Variants in NCAM2 observed in about 807,000 individuals in gnomAD.
NCAM2 encodes neural cell adhesion molecule 2.
A neutral mutation model predicts 98.1 loss-of-function variants in NCAM2; 30 were observed. The ratio of observed to expected loss-of-function variants is 0.31; its 90% CI spans 0.23 to 0.41. NCAM2 has a LOEUF of 0.41. Ranked by LOEUF, NCAM2 falls within the 10% of genes least tolerant of loss-of-function variation. NCAM2 has a pLI of 1.00. For synonymous variants in NCAM2, 368 were observed against 342.4 expected, an observed-to-expected ratio of 1.07 and a Z score of -0.83; for missense variants, 867 against 1,005.8, an observed-to-expected ratio of 0.86 and a Z score of 1.87.
At chr21:21,137,937 T>TGC (rs10645765) in intron 1 of NCAM2, among the ~76,000 whole-genome samples, 62,947 of 151,470 alleles carry the variant, frequency 0.42, 13,604 homozygotes, top group African/African-American at 0.54. Flanking sequence ...AAGGTGACAC[T>TGC]GGATTTGTGT....
chr21:21,012,266 TTTAGA>T (rs576987315), intron 1 of NCAM2, among the ~76,000 whole-genome samples: 1 of 152,250 alleles, frequency 6.6e-6, no homozygotes, highest in South Asian at 2.1e-4. Context: ...AACTCGATTG[TTTAGA>T]TTAGTGTAAT....
chr21:21,370,625 C>T (rs977461338), intron 8 of NCAM2, among the ~76,000 whole-genome samples: 14 of 151,826 alleles, frequency 9.2e-5, no homozygotes, highest in African/African-American at 3.4e-4. Flanking sequence ...ATAGTTCAAA[C>T]TCATAGTTGC....
intron 3 of NCAM2, 73 bp from the exon 4 acceptor site, chr21:21,286,196 T>A: frequency 6.9e-7 from 1 of 1,446,010 alleles, no homozygotes; most frequent in Non-Finnish European, 9.4e-7. Context: ...GTCTGGATTA[T>A]GTTATTGGGA....
chr21:21,501,986 C>A (rs967350291), intron 15 of NCAM2, among the ~76,000 whole-genome samples: 1 of 151,914 alleles, frequency 6.6e-6, no homozygotes, highest in African/African-American at 2.4e-5. Flanking sequence ...AGATACCTTC[C>A]AAATTTTTAA....
Position 21,395,750 on chromosome 21 carries a change from C to T in NCAM2, c.1196-14524C>T, listed in dbSNP as rs376441723. Among the ~76,000 whole-genome samples the T allele has an allele frequency of 2.2e-4, 34 of 152,076 alleles. No individual in the cohort carries two copies. The East Asian group carries it at 5.8e-3, about 26-fold the overall frequency. ...TGATCTTTGACAAAGCAAACAAAAA[C>T]GTAAAGTGGGGAAAGGACACCCAAT... On this transcript the variant is annotated intron_variant, in intron 9 of 17. Transcript: ENST00000400546.
At chr21:21,140,686 G>GT (rs2067148660) in intron 1 of NCAM2, among the ~76,000 whole-genome samples, 1 of 151,994 alleles carries the variant, frequency 6.6e-6, no homozygotes, top group Non-Finnish European at 1.5e-5. Context: ...TTATTCTTTG[G>GT]TTTTCTCTTC....
At chr21:21,477,240 G>A (rs1985286061) in intron 14 of NCAM2, 51 bp from the exon 15 acceptor site, 1 of 1,376,598 alleles carries the variant, frequency 7.3e-7, no homozygotes, top group Admixed American at 2.4e-5. Context: ...TTAAAAAGGT[G>A]TCACTTTAGT....
chr21:21,210,779 C>A, intron 1 of NCAM2: 1 of 516,142 alleles, frequency 1.9e-6, no homozygotes, highest in Non-Finnish European at 2.9e-6. Flanking sequence ...ATCTTATTTA[C>A]TAGAACTCCC....
intron 1 of NCAM2, among the ~76,000 whole-genome samples, chr21:21,043,194 C>T (rs1371828125): frequency 2.6e-5 from 4 of 152,036 alleles, no homozygotes; most frequent in Admixed American, 6.5e-5. Context: ...TGTTAAAGTT[C>T]GTGCCATTAT....
At chr21:21,287,233 G>A (rs1217681863) in intron 4 of NCAM2, among the ~76,000 whole-genome samples, 1 of 151,878 alleles carries the variant, frequency 6.6e-6, no homozygotes, top group Non-Finnish European at 1.5e-5. Context: ...TTCCATCTTC[G>A]ATGATTCTGA....
chr21:21,072,019 TCTC>T (rs895370486), intron 1 of NCAM2, among the ~76,000 whole-genome samples: 5 of 152,022 alleles, frequency 3.3e-5, no homozygotes, highest in African/African-American at 1.2e-4. Flanking sequence ...TTCACGCCAT[TCTC>T]CTGCCTCAGC....
chr21:21,202,305 C>T (rs1056493808), intron 1 of NCAM2, among the ~76,000 whole-genome samples: 1 of 151,470 alleles, frequency 6.6e-6, no homozygotes, highest in Non-Finnish European at 1.5e-5. Flanking sequence ...ATGTAAAGCA[C>T]CTAAAATAGT....
At chr21:21,217,859 C>T (rs1040272514) in intron 1 of NCAM2, among the ~76,000 whole-genome samples, 1 of 151,988 alleles carries the variant, frequency 6.6e-6, no homozygotes, top group Non-Finnish European at 1.5e-5. Flanking sequence ...AAGACGGGAC[C>T]GAAAACAGGA....
At chr21:21,126,855 G>A (rs1198098792) in intron 1 of NCAM2, among the ~76,000 whole-genome samples, 4 of 151,910 alleles carry the variant, frequency 2.6e-5, no homozygotes, top group African/African-American at 9.7e-5. Flanking sequence ...AAAGGTCATT[G>A]TCATTTTTTT....
intron 8 of NCAM2, among the ~76,000 whole-genome samples, chr21:21,351,366 G>A (rs898488925): frequency 2.0e-5 from 3 of 151,956 alleles, no homozygotes; most frequent in African/African-American, 7.2e-5. Context: ...TAGAAATTTG[G>A]CATTTTCTTA....
At chr21:21,254,422 A>C (rs554380617) in intron 1 of NCAM2, among the ~76,000 whole-genome samples, 1 of 152,318 alleles carries the variant, frequency 6.6e-6, no homozygotes, top group Admixed American at 6.5e-5. Flanking sequence ...CTGCAATAGA[A>C]GATGTTCTTT....
At chr21:21,105,983 TAATC>T (rs2066336462) in intron 1 of NCAM2, among the ~76,000 whole-genome samples, 1 of 152,104 alleles carries the variant, frequency 6.6e-6, no homozygotes, top group South Asian at 2.1e-4. Context: ...TGTTTATCAT[TAATC>T]TATATATATA....
chr21:21,456,070 T>C (rs905989511), intron 12 of NCAM2, among the ~76,000 whole-genome samples: 3 of 152,156 alleles, frequency 2.0e-5, no homozygotes, highest in Admixed American at 2.0e-4. Flanking sequence ...TTGTTCACAT[T>C]CTAACAAGGC....
intron 1 of NCAM2, among the ~76,000 whole-genome samples, chr21:21,227,989 A>G (rs2070457745): frequency 6.6e-6 from 1 of 151,748 alleles, no homozygotes; most frequent in Non-Finnish European, 1.5e-5. Flanking sequence ...GTGAGATGAG[A>G]AAAATGATAA....
Sources: allele counts gnomAD v4.1 joint callset (sites outside exome capture counted in the v4.1 genomes callset), GRCh38; gene constraint gnomAD v4.1.1; transcripts MANE v1.5; gene names NCBI Gene and HGNC (gene_info 2026-07-23, HGNC 2026-07-21).